TSKS: variants seen among roughly 807,000 people sequenced by gnomAD.
TSKS encodes the protein testis-specific serine kinase substrate.
TSKS carries 27 observed loss-of-function variants against 68.0 expected under a neutral mutation model. The observed-to-expected ratio is 0.40, with a 90% CI of 0.29 to 0.55. The LOEUF is 0.55. TSKS is among the 20% of genes least tolerant of loss of function. TSKS has a pLI of 0.53. For synonymous variants in TSKS, 331 were observed against 340.4 expected (o/e 0.97, Z 0.30); for missense variants, 806 against 776.0 (o/e 1.04, Z -0.46).
chr19:49,762,999 C>A lies in TSKS; in HGVS notation c.170+79G>T, dbSNP rs941062987. 7 of 1,506,468 alleles carry A rather than the reference C, an allele frequency of 4.6e-6. No homozygotes were observed. The South Asian group carries it at 9.2e-5, about 20-fold the overall frequency. 93.3% of individuals were successfully genotyped at this position (1,506,468 alleles called of 1,614,324 possible). On this transcript the variant is annotated intron_variant, in intron 1 of 10. Transcript: ENST00000246801. ...GCTTTTCCCCCTCCCCTTCCTCTAGCACCCACAGTCGGACTCCTGCTCTGT... is the reference window on the plus strand; with the variant it reads ...GCTTTTCCCCCTCCCCTTCCTCTAGAACCCACAGTCGGACTCCTGCTCTGT...
chr19:49,758,517 G>C (rs1345590244), intron 2 of TSKS, among the ~76,000 whole-genome samples: 1 of 152,160 alleles, frequency 6.6e-6, no homozygotes, highest in Admixed American at 6.5e-5. Context: ...GGAGGCAAAC[G>C]GCTGCAAGTG....
At chr19:49,748,824 TGGGA>T (rs1184895018) in intron 2 of TSKS, among the ~76,000 whole-genome samples, 1 of 151,948 alleles carries the variant, frequency 6.6e-6, no homozygotes, top group Non-Finnish European at 1.5e-5. Context: ...CCCAGCACTT[TGGGA>T]GGCCGAGGTG....
In TSKS at chr19:49,748,150, T is replaced by A. The variant is rs2123610695; in HGVS notation, c.514A>T (p.Ser172Cys). The change falls in exon 4 of 11, where the codon AGC (serine) becomes TGC (cysteine). Residue 172 changes from serine (S) to cysteine (C), a missense_variant. By Grantham distance (112) the Ser-to-Cys change is moderately radical (BLOSUM62 -1). Coordinates refer to ENST00000246801, the MANE Select transcript of TSKS (RefSeq NM_021733.2). ...QSLQSECSVL[S>C]ENLERRRQEA... ...TGCCGCCTTCTCTCCAGATTCTCGC[T>A]CAGCACAGAACACTCGCTCTGGAGC... 1.2e-6 allele frequency: 2 copies of A among 1,614,176 alleles called. No individual in the cohort carries two copies. The highest frequency in any genetic ancestry group is 4.5e-5 in the East Asian group (2 of 44,886).
rs771410780 is a variant in TSKS, at chr19:49,746,641, C to A, written c.821G>T (p.Gly274Val). The change falls in exon 6 of 11, where the codon GGC becomes GTC. Residue 274 changes from glycine to valine, a missense_variant. Physicochemically the swap from Gly to Val is moderately radical, Grantham distance 109 (BLOSUM62 -3). Coordinates refer to ENST00000246801, the MANE Select transcript of TSKS (RefSeq NM_021733.2). ...PEAGLSWNSL[G>V]PAATSQGCPG... The stretch of plus-strand genomic sequence containing the variant: ...GCAGCCCTGGGACGTGGCGGCGGGG[C>A]CCAGGCTGTTCCAGGAGAGGCCAGC... The A allele has an allele frequency of 2.5e-5, 41 of 1,608,772 alleles. No individual in the cohort carries two copies. The highest frequency in any genetic ancestry group is 3.3e-5 in the Non-Finnish European group (39 of 1,179,552).
Position 49,745,339 on chromosome 19 carries a change from T to C in TSKS, c.1050A>G (p.Glu350=), listed in dbSNP as rs1487946163. 6.3e-7 allele frequency: 1 copy of C among 1,599,350 alleles called. No homozygotes were observed. The highest frequency in any genetic ancestry group is 1.3e-5 in the African/African-American group (1 of 74,924). Residue 350 remains glutamate (E), a synonymous_variant, in exon 7 of 11, where the codon GAA becomes GAG. Transcript: ENST00000246801. ...CCAGGCCCCCGAGCAGCCGCAGGGC[T>C]TCCTGCACCGCCCCCTCCTCCTGAT... ...RWHQEEGAVQ[E]ALRLLGGLGG...
intron 7 of TSKS, 79 bp from the exon 8 acceptor site, chr19:49,744,483 C>T: frequency 4.1e-6 from 6 of 1,471,804 alleles, no homozygotes; most frequent in Non-Finnish European, 5.6e-6. Flanking sequence ...ATTATTAGCC[C>T]ACCACTTGCG....
chr19:49,761,625 T>C (rs2084441012), intron 2 of TSKS, among the ~76,000 whole-genome samples: 1 of 152,202 alleles, frequency 6.6e-6, no homozygotes, highest in African/African-American at 2.4e-5. Context: ...GCCTGTTTCC[T>C]GAGCCCAGCC....
intron 8 of TSKS, among the ~76,000 whole-genome samples, chr19:49,742,602 A>G (rs1265104066): frequency 1.3e-5 from 2 of 148,356 alleles, no homozygotes; most frequent in African/African-American, 5.0e-5. Flanking sequence ...GAGTTCAGCG[A>G]TTCTCCTGCC....
chr19:49,762,410 CTTTT>C (rs1307195682), intron 1 of TSKS, among the ~76,000 whole-genome samples, 178 bp from the exon 2 acceptor site: 3 of 146,788 alleles, frequency 2.0e-5, no homozygotes, highest in Admixed American at 1.4e-4. Context: ...TACTTTCTTT[CTTTT>C]TTCTTTCTTT....
Position 49,746,909 on chromosome 19 carries a change from T to C in TSKS, c.664-111A>G, listed in dbSNP as rs1600190825. On this transcript the variant is annotated intron_variant, in intron 5 of 10. Coordinates refer to ENST00000246801, the MANE Select transcript of TSKS (RefSeq NM_021733.2). Reference sequence around the variant, plus strand: ...CCCGAGATTGGAAGTAGAACGCCTGTGGGGACAGTATGTTGGAAGTCTCAC... The same window carrying C: ...CCCGAGATTGGAAGTAGAACGCCTGCGGGGACAGTATGTTGGAAGTCTCAC... The C allele has an allele frequency of 3.3e-6, 5 of 1,512,636 alleles. No individual in the cohort carries two copies. The East Asian group carries it at 1.1e-4, about 34-fold the overall frequency. 93.7% of individuals were successfully genotyped at this position (1,512,636 alleles called of 1,614,324 possible).
chr19:49,745,213 C>A lies in TSKS; in HGVS notation c.1176G>T (p.Glu392Asp), dbSNP rs1384380442. 6.2e-7 allele frequency: 1 copy of A among 1,600,440 alleles called. No homozygotes were observed. Among genetic ancestry groups the A allele is most frequent in the Admixed American group, 1.7e-5 (1 of 59,498 alleles). Reference sequence around the variant, plus strand: ...GCCCCAATCCTCACATGGTGCACAGCTCATCCGCCCGACCTCGCAGCTCCT... The same window carrying A: ...GCCCCAATCCTCACATGGTGCACAGATCATCCGCCCGACCTCGCAGCTCCT... Reference protein sequence around the residue: ...DLQELRGRADELCTMVERSAV... With the variant: ...DLQELRGRADDLCTMVERSAV... Residue 392 changes from glutamate (E) to aspartate (D), a missense_variant, in exon 7 of 11, where the codon GAG becomes GAT. Physicochemically the swap from Glu to Asp is conservative, Grantham distance 45. Transcript: ENST00000246801.
intron 2 of TSKS, among the ~76,000 whole-genome samples, chr19:49,759,491 C>CTGGGTGTG (rs112216697): frequency 0.13 from 18,858 of 147,298 alleles, 1,700 homozygotes; most frequent in African/African-American, 0.25. Flanking sequence ...AAAAAATTAC[C>CTGGGTGTG]TGGGTGTGTG....
At chr19:49,757,215 T>G in intron 2 of TSKS, among the ~76,000 whole-genome samples, 1 of 152,168 alleles carries the variant, frequency 6.6e-6, no homozygotes. Flanking sequence ...AGCAAGGAAT[T>G]GAGGCCTCCA....
chr19:49,742,596 T>G (rs2084261745), intron 8 of TSKS, among the ~76,000 whole-genome samples: 1 of 150,684 alleles, frequency 6.6e-6, no homozygotes, highest in South Asian at 2.1e-4. Flanking sequence ...CCTCCTGAGT[T>G]CAGCGATTCT....
At chr19:49,747,175 G>T in intron 5 of TSKS, 1 of 1,536,426 alleles carries the variant, frequency 6.5e-7, no homozygotes, top group Non-Finnish European at 8.7e-7. Flanking sequence ...CTCTTTCTGG[G>T]ACCTGAATGT....
chr19:49,759,896 G>A (rs758989913), intron 2 of TSKS, among the ~76,000 whole-genome samples: 12 of 152,156 alleles, frequency 7.9e-5, no homozygotes, highest in African/African-American at 2.2e-4. Context: ...GTTCATGCCC[G>A]TAATCCTAGC....
chr19:49,746,846 C>T, intron 5 of TSKS, 48 bp from the exon 6 acceptor site: 1 of 1,574,588 alleles, frequency 6.4e-7, no homozygotes, highest in South Asian at 1.1e-5. Flanking sequence ...CGCTTTCCTC[C>T]CGCAACCACC....
At chr19:49,762,372 CTACTT>C (rs1185213510) in intron 1 of TSKS, 140 bp from the exon 2 acceptor site, 1 of 610,756 alleles carries the variant, frequency 1.6e-6, no homozygotes, top group Admixed American at 3.0e-5. Context: ...TCCCCGCTGC[CTACTT>C]TATTCTCCTT....
chr19:49,740,471 A>T (rs1424669267), intron 9 of TSKS: 4 of 410,410 alleles, frequency 9.7e-6, no homozygotes, highest in Non-Finnish European at 1.8e-5. Flanking sequence ...TCCTAAGCTC[A>T]TGAACTATCC....
Sources: allele counts gnomAD v4.1 joint callset (sites outside exome capture counted in the v4.1 genomes callset), GRCh38; gene constraint gnomAD v4.1.1; transcripts MANE v1.5; gene names NCBI Gene and HGNC (gene_info 2026-07-23, HGNC 2026-07-21).